The following ELMO1 variants were observed in gnomAD, a reference collection of about 807,000 sequenced individuals.
ELMO1 encodes engulfment and cell motility 1, also known as engulfment and cell motility protein 1.
ELMO1 carries 26 observed loss-of-function variants against 98.9 expected under a neutral mutation model. The ratio of observed to expected loss-of-function variants is 0.26; its 90% CI spans 0.19 to 0.36. The LOEUF (loss-of-function observed/expected upper bound fraction) is 0.36, where lower values mean the gene tolerates loss of function less well. ELMO1 is among the 10% of genes least tolerant of loss of function. The pLI is 1.00. For missense variants in ELMO1, 627 were observed against 935.2 expected (o/e 0.67, Z 4.30); for synonymous variants, 346 against 346.0 (o/e 1.00, Z 0.00).
At chr7:37,351,852 C>T (rs922603464) in intron 1 of ELMO1, among the ~76,000 whole-genome samples, 5 of 152,188 alleles carry the variant, frequency 3.3e-5, no homozygotes, top group Admixed American at 1.3e-4. Flanking sequence ...AATTCTAGAG[C>T]TTCATATAGC....
chr7:37,247,817 G>A (rs1282287441), intron 6 of ELMO1, among the ~76,000 whole-genome samples: 5 of 151,988 alleles, frequency 3.3e-5, no homozygotes, highest in African/African-American at 1.2e-4. Flanking sequence ...ACTTAAATGG[G>A]GTCTCTGGGA....
intron 16 of ELMO1, among the ~76,000 whole-genome samples, chr7:36,989,852 A>C (rs1791755582): frequency 6.6e-6 from 1 of 152,184 alleles, no homozygotes. Flanking sequence ...ACTATGTATT[A>C]TTATTGTTGA....
At chr7:36,920,734 C>T (rs1322298193) in intron 16 of ELMO1, among the ~76,000 whole-genome samples, 1 of 152,124 alleles carries the variant, frequency 6.6e-6, no homozygotes, top group African/African-American at 2.4e-5. Flanking sequence ...ATTTCATTTT[C>T]TACTGTTAGA....
At chr7:37,122,691 C>T (rs971139677) in intron 14 of ELMO1, among the ~76,000 whole-genome samples, 4 of 152,142 alleles carry the variant, frequency 2.6e-5, no homozygotes, top group African/African-American at 7.2e-5. Flanking sequence ...TAATGGGAGA[C>T]TTTAACACCC....
intron 15 of ELMO1, among the ~76,000 whole-genome samples, chr7:37,025,479 A>T (rs577156310): frequency 6.6e-6 from 1 of 152,192 alleles, no homozygotes; most frequent in Non-Finnish European, 1.5e-5. Context: ...ACATCTGAAT[A>T]AGTGGACTCA....
chr7:36,944,567 G>A (rs892821375), intron 16 of ELMO1, among the ~76,000 whole-genome samples: 1 of 152,178 alleles, frequency 6.6e-6, no homozygotes, highest in African/African-American at 2.4e-5. Context: ...TTCTACTGGT[G>A]AATATCAAGC....
intron 15 of ELMO1, among the ~76,000 whole-genome samples, chr7:37,040,528 C>T (rs186646876): frequency 2.0e-5 from 3 of 152,198 alleles, no homozygotes; most frequent in African/African-American, 7.2e-5. Flanking sequence ...CATGATGTGA[C>T]ACGCAGAACT....
intron 14 of ELMO1, chr7:37,117,088 A>G: frequency 4.9e-6 from 1 of 203,274 alleles, no homozygotes; most frequent in South Asian, 1.0e-4. Flanking sequence ...CCTGACACTG[A>G]GGAAACACTG....
chr7:37,023,898 T>C (rs1447489508), intron 15 of ELMO1, among the ~76,000 whole-genome samples: 1 of 152,170 alleles, frequency 6.6e-6, no homozygotes, highest in African/African-American at 2.4e-5. Context: ...TTTTCTTTCG[T>C]GAATGGAGAT....
chr7:37,425,072 G>A (rs1315134726), intron 1 of ELMO1, among the ~76,000 whole-genome samples: 1 of 152,138 alleles, frequency 6.6e-6, no homozygotes, highest in African/African-American at 2.4e-5. Context: ...AGTCTTCATA[G>A]ATTTATGGTT....
chr7:37,240,680 T>C (rs1042769902), intron 7 of ELMO1, among the ~76,000 whole-genome samples: 1 of 152,198 alleles, frequency 6.6e-6, no homozygotes, highest in African/African-American at 2.4e-5. Flanking sequence ...GTATTTTCAT[T>C]ACCATTCAGT....
At position 37,395,442 on chromosome 7, in the gene ELMO1, C is replaced by T. The variant is rs114807230; in HGVS notation, c.-73-52679G>A. On this transcript the variant is annotated intron_variant, in intron 1 of 21. Coordinates refer to ENST00000310758, the MANE Select transcript of ELMO1 (RefSeq NM_014800.11). Reference sequence around the variant, plus strand: ...CCACCTACCATGTATGTATGCTTCCCTAATCATTTCCAGTAATTCTAGAAT... The same window carrying T: ...CCACCTACCATGTATGTATGCTTCCTTAATCATTTCCAGTAATTCTAGAAT... Among the ~76,000 whole-genome samples the T allele has an allele frequency of 3.6e-3, 553 of 151,828 alleles. 3 individuals are homozygous for T. Among genetic ancestry groups the T allele is most frequent in the African/African-American group, 0.013 (531 of 41,364 alleles).
At chr7:37,228,725 G>A (rs556309166) in intron 8 of ELMO1, among the ~76,000 whole-genome samples, 2 of 152,236 alleles carry the variant, frequency 1.3e-5, no homozygotes, top group East Asian at 1.9e-4. Flanking sequence ...ATGGAGGGCC[G>A]GGCACAGTGG....
chr7:37,292,720 C>A (rs1418859978), intron 4 of ELMO1, among the ~76,000 whole-genome samples: 1 of 95,220 alleles, frequency 1.1e-5, no homozygotes, highest in Non-Finnish European at 2.4e-5. Flanking sequence ...GGCAGCCGCC[C>A]CGTCCGGGAG....
chr7:37,292,886 C>T, intron 4 of ELMO1, among the ~76,000 whole-genome samples: 1 of 102,040 alleles, frequency 9.8e-6, no homozygotes, highest in East Asian at 3.0e-4. Context: ...AGCCCCTCTG[C>T]CCGGCCAGCC....
rs146944541 is a variant in ELMO1 at position 37,166,296 on chromosome 7, G to T, written c.1087-33062C>A. Reference sequence around the variant, plus strand: ...GATCCTTTCAAAAAAGCAGCTCCTGGATTCATTAATTTTTGAAGCGTTTTT... The same window carrying T: ...GATCCTTTCAAAAAAGCAGCTCCTGTATTCATTAATTTTTGAAGCGTTTTT... On this transcript the variant is annotated intron_variant, in intron 13 of 21. Coordinates refer to ENST00000310758, the MANE Select transcript of ELMO1 (RefSeq NM_014800.11). 4.7e-3 allele frequency among the ~76,000 whole-genome samples: 715 copies of T among 152,238 alleles called. 1 individual carries two copies. Among genetic ancestry groups the T allele is most frequent in the Non-Finnish European group, 7.4e-3 (505 of 68,024 alleles).
At chr7:37,137,399 A>G (rs999980771) in intron 13 of ELMO1, among the ~76,000 whole-genome samples, 1 of 152,200 alleles carries the variant, frequency 6.6e-6, no homozygotes, top group Admixed American at 6.5e-5. Flanking sequence ...CAATGGACTT[A>G]AACTATACCC....
At chr7:36,859,097 G>A (rs1227969116) in intron 21 of ELMO1, among the ~76,000 whole-genome samples, 1 of 152,108 alleles carries the variant, frequency 6.6e-6, no homozygotes, top group South Asian at 2.1e-4. Flanking sequence ...ATGATTGTGA[G>A]AGACAGAGAG....
intron 15 of ELMO1, among the ~76,000 whole-genome samples, chr7:37,077,704 G>A (rs555793445): frequency 1.5e-4 from 23 of 152,290 alleles, no homozygotes; most frequent in Admixed American, 1.4e-3. Flanking sequence ...GACTGAAGAT[G>A]GCAGCAAGTT....
Sources: gnomAD v4.1 joint callset for allele counts (sites outside exome capture counted in the v4.1 genomes callset) on GRCh38, gnomAD v4.1.1 for gene constraint, MANE v1.5 for transcripts, NCBI Gene and HGNC (gene_info 2026-07-23, HGNC 2026-07-21) for gene names.